Variants in DDX60 observed in about 807,000 individuals in gnomAD.
DDX60 encodes probable ATP-dependent RNA helicase DDX60.
DDX60 carries 165 observed loss-of-function variants against 212.8 expected under a neutral mutation model. The observed-to-expected ratio is 0.78, with a 90% CI of 0.68 to 0.88. DDX60 has a LOEUF of 0.88. Ranked by LOEUF, DDX60 falls within the 40% of genes least tolerant of loss-of-function variation. DDX60 has a pLI of 0.00. For synonymous variants in DDX60, 703 were observed against 685.3 expected (o/e 1.03, Z -0.40); for missense variants, 1,905 against 2,003.9 (o/e 0.95, Z 0.94).
At position 168,216,971 on chromosome 4, in the gene DDX60, G is replaced by A. The variant is rs1732868468; in HGVS notation, c.5101C>T (p.Leu1701=). The A allele has an allele frequency of 6.2e-7, 1 of 1,605,606 alleles. No homozygotes were observed. Among genetic ancestry groups the A allele is most frequent in the African/African-American group, 1.3e-5 (1 of 74,454 alleles). The change falls in exon 38 of 38, where the codon CTG becomes TTG. Residue 1701 remains leucine, a synonymous_variant. Transcript: ENST00000393743. ...AACTTTTCCCAAAAAGTTGTACTCA[G>A]TTGTTCAAAGGCTAAGACAACGTTG... The part of the protein sequence containing the change: ...DDNVVLAFEQ[L]STTFWEKLNK...
At chr4:168,227,310 G>A (rs974868424) in intron 33 of DDX60, among the ~76,000 whole-genome samples, 1 of 150,856 alleles carries the variant, frequency 6.6e-6, no homozygotes, top group African/African-American at 2.4e-5. Context: ...GTATTTTCTA[G>A]GAATTTGCCC....
At chr4:168,254,374 T>C (rs1373668613) in intron 26 of DDX60, among the ~76,000 whole-genome samples, 1 of 152,154 alleles carries the variant, frequency 6.6e-6, no homozygotes, top group Non-Finnish European at 1.5e-5. Flanking sequence ...TTACCTCCCA[T>C]GCTTCTAAGG....
At chr4:168,243,408 A>G (rs1479735625) in intron 30 of DDX60, among the ~76,000 whole-genome samples, 1 of 152,226 alleles carries the variant, frequency 6.6e-6, no homozygotes, top group Non-Finnish European at 1.5e-5. Context: ...AAACAAATTT[A>G]TAAGAAAAAA....
intron 1 of DDX60, among the ~76,000 whole-genome samples, chr4:168,311,825 C>A (rs1446344721): frequency 6.6e-6 from 1 of 152,070 alleles, no homozygotes; most frequent in Non-Finnish European, 1.5e-5. Context: ...CCTTTGAAGT[C>A]ATGTTATAGA....
At chr4:168,241,714 A>C (rs959884548) in intron 30 of DDX60, among the ~76,000 whole-genome samples, 1 of 152,174 alleles carries the variant, frequency 6.6e-6, no homozygotes, top group African/African-American at 2.4e-5. Context: ...GAAGCAGAGC[A>C]TAAAAGTTCA....
chr4:168,218,765 T>C (rs1355364724), intron 37 of DDX60, among the ~76,000 whole-genome samples: 1 of 152,162 alleles, frequency 6.6e-6, no homozygotes, highest in African/African-American at 2.4e-5. Context: ...CCCTGACACA[T>C]CAGGCCCTTT....
rs1737131011 is a variant in DDX60, at chr4:168,311,449, CA to C, written c.-106-85del. On this transcript the variant is annotated intron_variant, in intron 1 of 37. Coordinates refer to ENST00000393743, the MANE Select transcript of DDX60 (RefSeq NM_017631.6). ...TATATGTAAAGCAAAATATTAGACA[CA>C]AGGAATACAAGAATGAACAAATCAA... 4.5e-5 allele frequency: 25 copies of C among 551,794 alleles called. No individual in the cohort carries two copies. The South Asian group carries it at 7.0e-4, about 15-fold the overall frequency. 34.2% of individuals were successfully genotyped at this position (551,794 alleles called of 1,614,324 possible).
chr4:168,297,398 A>C (rs150888260), intron 6 of DDX60, among the ~76,000 whole-genome samples: 76 of 145,454 alleles, frequency 5.2e-4, no homozygotes, highest in Middle Eastern at 6.9e-3. Context: ...GAAAGAAAGA[A>C]AGAAAGACAA....
chr4:168,283,690 A>G (rs944865705), intron 12 of DDX60, 84 bp from the exon 13 acceptor site: 8 of 998,456 alleles, frequency 8.0e-6, no homozygotes, highest in Non-Finnish European at 1.2e-5. Flanking sequence ...TTCCACATCC[A>G]GTAGTTAAAT....
At chr4:168,246,054 T>A (rs1734009803) in intron 30 of DDX60, among the ~76,000 whole-genome samples, 1 of 152,180 alleles carries the variant, frequency 6.6e-6, no homozygotes, top group Non-Finnish European at 1.5e-5. Context: ...TGTTACAAAA[T>A]CATAAAAATA....
chr4:168,290,400 C>G (rs1004022367), intron 8 of DDX60, among the ~76,000 whole-genome samples: 4 of 149,572 alleles, frequency 2.7e-5, no homozygotes, highest in African/African-American at 9.9e-5. Flanking sequence ...GCGATCTCGG[C>G]TCACTGCAAG....
chr4:168,237,011 A>G (rs1036843901), intron 32 of DDX60, among the ~76,000 whole-genome samples: 2 of 151,412 alleles, frequency 1.3e-5, no homozygotes, highest in African/African-American at 4.8e-5. Context: ...TAAAAAGTGT[A>G]TATTATTTAA....
chr4:168,297,245 A>C (rs952219456), intron 6 of DDX60, among the ~76,000 whole-genome samples: 7 of 150,672 alleles, frequency 4.6e-5, no homozygotes, highest in Non-Finnish European at 8.8e-5. Flanking sequence ...ATAAACCAAA[A>C]ACAGGGCTGG....
chr4:168,289,029 A>G (rs1485341598), intron 8 of DDX60, among the ~76,000 whole-genome samples: 5 of 152,200 alleles, frequency 3.3e-5, no homozygotes, highest in African/African-American at 1.2e-4. Flanking sequence ...TCCATAGGGC[A>G]TATATTTGGA....
chr4:168,297,273 G>A (rs1175069290), intron 6 of DDX60, among the ~76,000 whole-genome samples: 1 of 124,678 alleles, frequency 8.0e-6, no homozygotes, highest in African/African-American at 3.6e-5. Flanking sequence ...GAAAGAAAAA[G>A]AAAGAAAGAA....
intron 18 of DDX60, among the ~76,000 whole-genome samples, chr4:168,273,020 C>T (rs888517123): frequency 6.6e-6 from 1 of 151,972 alleles, no homozygotes; most frequent in Non-Finnish European, 1.5e-5. Context: ...ATTCTGAATC[C>T]CTTTACAAAC....
chr4:168,270,772 C>T (rs550368592), intron 19 of DDX60, among the ~76,000 whole-genome samples: 23 of 151,958 alleles, frequency 1.5e-4, no homozygotes, highest in Non-Finnish European at 2.6e-4. Flanking sequence ...ATTTGTTAAA[C>T]TTTTCCCCTT....
In DDX60 at chr4:168,288,268, T is replaced by C. The variant is rs1334048661; in HGVS notation, c.1089A>G (p.Glu363=). 1.3e-6 allele frequency: 2 copies of C among 1,500,496 alleles called. No individual in the cohort carries two copies. The highest frequency in any genetic ancestry group is 1.2e-5 in the South Asian group (1 of 83,206). The allele number at this position is 1,500,496 out of a possible 1,614,324, so 92.9% of individuals were successfully genotyped here. ...GGTGAATTAAATTCAGATTCCAAAATTCAAAAGTATGTATATTTCTTAAGA... is the reference window on the plus strand; with the variant it reads ...GGTGAATTAAATTCAGATTCCAAAACTCAAAAGTATGTATATTTCTTAAGA... The part of the protein sequence containing the change: ...YFILRNIHTF[E]FWNLNLIHLS... Residue 363 remains glutamate (E), a synonymous_variant, in exon 9 of 38, where the codon GAA becomes GAG. Transcript: ENST00000393743.
At chr4:168,302,444 T>A in intron 5 of DDX60, 28 bp from the exon 6 acceptor site, 1 of 1,045,158 alleles carries the variant, frequency 9.6e-7, no homozygotes, top group East Asian at 2.9e-5. Context: ...ATCAGAAAAG[T>A]TGTTATAAAT....
Sources: gnomAD v4.1 joint callset for allele counts (sites outside exome capture counted in the v4.1 genomes callset) on GRCh38, gnomAD v4.1.1 for gene constraint, MANE v1.5 for transcripts, NCBI Gene and HGNC (gene_info 2026-07-23, HGNC 2026-07-21) for gene names.